The following ZNF678 variants were observed in gnomAD, a reference collection of about 807,000 sequenced individuals.
The protein encoded by ZNF678 is hypothetical protein MGC42493.
In ZNF678, 5 loss-of-function variants were observed where a neutral mutation model predicts 3.0. That is an observed-to-expected ratio of 1.69 (90% CI 0.88 to 3.56). The LOEUF (loss-of-function observed/expected upper bound fraction) is 3.56, where lower values mean the gene tolerates loss of function less well. Ranked by LOEUF, ZNF678 falls within the 30% of genes most tolerant of loss-of-function variation. The probability of loss-of-function intolerance (pLI) is 0.00; values close to 1 mark genes in which losing one functional copy is unlikely to be tolerated. For missense variants in ZNF678, 593 were observed against 605.0 expected, an observed-to-expected ratio of 0.98 and a Z score of 0.21; for synonymous variants, 218 against 199.6, an observed-to-expected ratio of 1.09 and a Z score of -0.78.
intron 5 of ZNF678, among the ~76,000 whole-genome samples, chr1:227,675,002 T>C (rs1244917474): frequency 6.6e-6 from 1 of 152,238 alleles, no homozygotes; most frequent in Non-Finnish European, 1.5e-5. Context: ...ATTTTTCTAG[T>C]CTTATTTAAT....
intron 1 of ZNF678, among the ~76,000 whole-genome samples, chr1:227,588,317 G>T (rs554655713): frequency 6.6e-6 from 1 of 152,140 alleles, no homozygotes; most frequent in East Asian, 1.9e-4. Context: ...CTTTATAAAA[G>T]AATGATTTAT....
At chr1:227,574,154 A>C (rs895528174) in intron 1 of ZNF678, among the ~76,000 whole-genome samples, 1 of 152,174 alleles carries the variant, frequency 6.6e-6, no homozygotes, top group African/African-American at 2.4e-5. Context: ...TTGTCTTTAT[A>C]ATAGAATGAT....
chr1:227,637,903 G>T (rs562483873), intron 1 of ZNF678, among the ~76,000 whole-genome samples: 1 of 152,274 alleles, frequency 6.6e-6, no homozygotes, highest in African/African-American at 2.4e-5. Context: ...AGGTGACTGA[G>T]GGGGTGCATA....
rs972474940 is a variant in ZNF678 at position 227,671,213 on chromosome 1, A to G, written c.227-5966A>G. On this transcript the variant is annotated intron_variant, in intron 5 of 5. Coordinates refer to the ZNF678 transcript ENST00000608949. The stretch of plus-strand genomic sequence containing the variant: ...TGCCTTAGGCTCCCAACTAGCTGAT[A>G]CTGCAGGCACATGCCACCATGCTCT... Among the ~76,000 whole-genome samples, 8 of 151,278 alleles carry G rather than the reference A, an allele frequency of 5.3e-5. No individual in the cohort carries two copies. The South Asian group carries it at 1.7e-3, about 32-fold the overall frequency.
At chr1:227,621,852 C>G (rs76889931) in intron 1 of ZNF678, among the ~76,000 whole-genome samples, 1 of 152,076 alleles carries the variant, frequency 6.6e-6, no homozygotes, top group Non-Finnish European at 1.5e-5. Flanking sequence ...AGTTTAGGTA[C>G]CACTGACCAC....
At chr1:227,673,388 C>T (rs999855804) in intron 5 of ZNF678, among the ~76,000 whole-genome samples, 1 of 152,174 alleles carries the variant, frequency 6.6e-6, no homozygotes, top group Non-Finnish European at 1.5e-5. Context: ...TCATCTAATT[C>T]CATGAGAGCT....
Position 227,637,623 on chromosome 1 carries a change from G to A in ZNF678, c.-163-8921G>A, listed in dbSNP as rs376382932. ...TGGTGAGGTCTGGGAGAGTGAGGACGGGGGCCTGAAATGAGAGCCTTTTGG... is the reference window on the plus strand; with the variant it reads ...TGGTGAGGTCTGGGAGAGTGAGGACAGGGGCCTGAAATGAGAGCCTTTTGG... On this transcript the variant is annotated intron_variant, in intron 1 of 3. Transcript: ENST00000343776. 1.1e-4 allele frequency among the ~76,000 whole-genome samples: 16 copies of A among 152,242 alleles called. No homozygotes were observed. In the East Asian group the frequency reaches 1.7e-3, roughly 17 times the overall value.
rs553903442 is a variant in ZNF678 at position 227,597,524 on chromosome 1, A to G, written c.-164+33800A>G. ...CAAAAAGTACCAGTGTCTATTTAAA[A>G]TAATTCCTCTCCCAAGCCAAAGTGT... On this transcript the variant is annotated intron_variant, in intron 1 of 3. Transcript: ENST00000343776. Among the ~76,000 whole-genome samples the G allele has an allele frequency of 2.0e-5, 3 of 152,244 alleles. 1 individual carries two copies. Among genetic ancestry groups the G allele is most frequent in the East Asian group, 3.8e-4 (2 of 5,204 alleles).
In ZNF678 at chr1:227,616,338, T is replaced by C. The variant is rs190737751; in HGVS notation, c.-163-30206T>C. 1.7e-3 allele frequency among the ~76,000 whole-genome samples: 255 copies of C among 152,344 alleles called. 1 individual carries two copies. Among genetic ancestry groups the C allele is most frequent in the African/African-American group, 5.8e-3 (243 of 41,572 alleles). On this transcript the variant is annotated intron_variant, in intron 1 of 3. Coordinates refer to ENST00000343776, the MANE Select transcript of ZNF678 (RefSeq NM_001367909.1). ...ATATATAGGGTGAACATTTTGCCTC[T>C]GGCCTCAGGCTCAGGGTGACTCCGC...
chr1:227,662,627 C>G (rs996647732), downstream of ZNF678, among the ~76,000 whole-genome samples: 1 of 152,108 alleles, frequency 6.6e-6, no homozygotes, highest in Admixed American at 6.5e-5. Context: ...GTGACTCAAA[C>G]TTATCTGTTA....
chr1:227,637,553 C>T (rs1191542087), intron 1 of ZNF678, among the ~76,000 whole-genome samples: 1 of 152,074 alleles, frequency 6.6e-6, no homozygotes, highest in Non-Finnish European at 1.5e-5. Context: ...GTTAGAACAC[C>T]TAATGCAACT....
intron 2 of ZNF678, 123 bp downstream of exon 2, chr1:227,646,793 G>T: frequency 1.2e-6 from 1 of 846,212 alleles, no homozygotes; most frequent in Non-Finnish European, 1.6e-6. Flanking sequence ...CTGCTTCTAA[G>T]GAAAACTTGG....
rs372091915 is a variant in ZNF678 at position 227,636,085 on chromosome 1, G to C, written c.-163-10459G>C. On this transcript the variant is annotated intron_variant, in intron 1 of 3. Coordinates refer to ENST00000343776, the MANE Select transcript of ZNF678 (RefSeq NM_001367909.1). The stretch of plus-strand genomic sequence containing the variant: ...CTGGATTGTCTGGCGGTTAACTGTA[G>C]TTTTAACAAGAGTTTTAATGGCTTT... 2.6e-5 allele frequency among the ~76,000 whole-genome samples: 4 copies of C among 152,248 alleles called. No homozygotes were observed. The East Asian group carries it at 7.7e-4, about 29-fold the overall frequency.
At chr1:227,598,511 TG>T in intron 1 of ZNF678, 2 of 1,345,792 alleles carry the variant, frequency 1.5e-6, no homozygotes, top group South Asian at 2.8e-5. Flanking sequence ...GTTTTTTTTC[TG>T]TTGCTTTTTC....
chr1:227,634,811 A>G (rs1367074913), intron 1 of ZNF678, among the ~76,000 whole-genome samples: 1 of 152,196 alleles, frequency 6.6e-6, no homozygotes, highest in African/African-American at 2.4e-5. Context: ...AGGGAAGAAC[A>G]CAGGCCTGGC....
Position 227,670,973 on chromosome 1 carries a change from T to A in ZNF678, c.227-6206T>A, listed in dbSNP as rs567968215. Among the ~76,000 whole-genome samples the A allele has an allele frequency of 2.1e-4, 30 of 145,914 alleles. No individual in the cohort carries two copies. The East Asian group carries it at 3.3e-3, about 16-fold the overall frequency. On this transcript the variant is annotated intron_variant, in intron 5 of 5. Coordinates refer to the ZNF678 transcript ENST00000608949. ...CCTTCATGTGAGGCCTTTTATTTTTTTTTTTTTTATGTCCAGCATTTTCAT... is the reference window on the plus strand; with the variant it reads ...CCTTCATGTGAGGCCTTTTATTTTTATTTTTTTTATGTCCAGCATTTTCAT...
intron 1 of ZNF678, among the ~76,000 whole-genome samples, chr1:227,594,103 T>C (rs1187976219): frequency 6.6e-6 from 1 of 152,186 alleles, no homozygotes; most frequent in African/African-American, 2.4e-5. Context: ...AATTGACCTT[T>C]TGTTTTAAAT....
In ZNF678 at chr1:227,657,194, T is replaced by A. The variant is rs1951729; in HGVS notation, c.*1366T>A. 0.19 allele frequency: 29,424 copies of A among 151,754 alleles called. 2,994 individuals carry two copies. Among genetic ancestry groups the A allele is most frequent in the East Asian group, 0.25 (1,303 of 5,152 alleles). 9.4% of individuals were successfully genotyped at this position (151,754 alleles called of 1,614,324 possible). A position where few individuals can be genotyped will look rare whatever the true frequency, so the allele number is the denominator to read the frequency against. On this transcript the variant is annotated 3_prime_UTR_variant, in exon 4 of 4. Coordinates refer to ENST00000343776, the MANE Select transcript of ZNF678 (RefSeq NM_001367909.1). ...GTTAGTTCATGTGAAAGCTGGTTGT[T>A]AAAAACAAAAACAAACAAACAAAAA...
chr1:227,597,758 A>G (rs1657631254), intron 1 of ZNF678, among the ~76,000 whole-genome samples: 1 of 152,226 alleles, frequency 6.6e-6, no homozygotes, highest in African/African-American at 2.4e-5. Context: ...AATAAAAAAG[A>G]AAATTAAAGG....
Sources: gnomAD v4.1 joint callset for allele counts (sites outside exome capture counted in the v4.1 genomes callset) on GRCh38, gnomAD v4.1.1 for gene constraint, MANE v1.5 for transcripts, NCBI Gene and HGNC (gene_info 2026-07-23, HGNC 2026-07-21) for gene names.